CDH4: variants seen among roughly 807,000 people sequenced by gnomAD.
The protein encoded by CDH4 is cadherin-4.
Under a neutral mutation model 86.0 loss-of-function variants are expected in CDH4, and 33 were observed. The ratio of observed to expected loss-of-function variants is 0.38; its 90% CI spans 0.29 to 0.51. The LOEUF is 0.51. Among genes scored for constraint, CDH4 ranks in the 20% least tolerant of loss-of-function variants. The pLI is 0.86. For missense variants in CDH4, 1,114 were observed against 1,307.4 expected (o/e 0.85, Z 2.28); for synonymous variants, 555 against 549.4 (o/e 1.01, Z -0.14).
chr20:61,632,956 A>T (rs1410333785), intron 2 of CDH4, among the ~76,000 whole-genome samples: 1 of 149,934 alleles, frequency 6.7e-6, no homozygotes, highest in African/African-American at 2.5e-5. Flanking sequence ...TTATCCTCCC[A>T]TACAACCATA....
intron 2 of CDH4, among the ~76,000 whole-genome samples, chr20:61,634,953 G>C (rs949111826): frequency 6.6e-6 from 1 of 152,152 alleles, no homozygotes; most frequent in Non-Finnish European, 1.5e-5. Context: ...ATAATGTTCC[G>C]AAGCGTGTGT....
chr20:61,302,954 A>T (rs1037052696), intron 2 of CDH4, among the ~76,000 whole-genome samples: 2 of 152,198 alleles, frequency 1.3e-5, no homozygotes, highest in Non-Finnish European at 2.9e-5. Context: ...CCATGAGCCC[A>T]TAACACAGGT....
chr20:61,634,223 G>T (rs946041984), intron 2 of CDH4, among the ~76,000 whole-genome samples: 1 of 152,198 alleles, frequency 6.6e-6, no homozygotes, highest in African/African-American at 2.4e-5. Flanking sequence ...ACACGGACAG[G>T]GAGAGCCTCT....
intron 2 of CDH4, among the ~76,000 whole-genome samples, chr20:61,526,656 A>G (rs1238322474): frequency 1.6e-5 from 1 of 63,602 alleles, no homozygotes; most frequent in Non-Finnish European, 2.9e-5. Context: ...CCCTCCCCCC[A>G]CCCCATCCCT....
chr20:61,924,767 G>A (rs371563647), intron 11 of CDH4, among the ~76,000 whole-genome samples: 32 of 152,068 alleles, frequency 2.1e-4, no homozygotes, highest in African/African-American at 5.3e-4. Flanking sequence ...TCCCCCCAAC[G>A]TCACTCACCC....
At chr20:61,927,498 G>A (rs373509682) in intron 11 of CDH4, among the ~76,000 whole-genome samples, 2 of 152,194 alleles carry the variant, frequency 1.3e-5, no homozygotes, top group African/African-American at 4.8e-5. Flanking sequence ...TGGAGCGGCC[G>A]CGCCTGCTTT....
At chr20:61,787,483 A>G (rs145624400) in intron 4 of CDH4, among the ~76,000 whole-genome samples, 55 of 152,280 alleles carry the variant, frequency 3.6e-4, no homozygotes, top group African/African-American at 1.3e-3. Flanking sequence ...CCATGATTCA[A>G]TTATCTTCCA....
At chr20:61,608,570 C>G (rs1353685450) in intron 2 of CDH4, among the ~76,000 whole-genome samples, 1 of 152,240 alleles carries the variant, frequency 6.6e-6, no homozygotes, top group Admixed American at 6.5e-5. Flanking sequence ...ACTTGATCCT[C>G]TCAATTTTGC....
At chr20:61,721,275 A>G (rs1004333617) in intron 2 of CDH4, among the ~76,000 whole-genome samples, 3 of 152,166 alleles carry the variant, frequency 2.0e-5, no homozygotes, top group African/African-American at 7.2e-5. Flanking sequence ...CCATCTTCTA[A>G]TGTGCATTCA....
intron 4 of CDH4, among the ~76,000 whole-genome samples, chr20:61,793,512 G>A (rs1465474875): frequency 6.6e-6 from 1 of 152,118 alleles, no homozygotes; most frequent in Non-Finnish European, 1.5e-5. Context: ...CGAGGTCAGG[G>A]TGCTCCCTGG....
At chr20:61,537,325 G>A (rs190471969) in intron 2 of CDH4, among the ~76,000 whole-genome samples, 161 of 152,230 alleles carry the variant, frequency 1.1e-3, no homozygotes, top group African/African-American at 3.6e-3. Flanking sequence ...CTCCTCAGTA[G>A]CCATTGTGTA....
intron 2 of CDH4, among the ~76,000 whole-genome samples, chr20:61,571,054 G>A (rs1040036351): frequency 6.6e-6 from 1 of 152,180 alleles, no homozygotes; most frequent in Non-Finnish European, 1.5e-5. Flanking sequence ...TCTCCAAGGG[G>A]GCAAGGCCTG....
At chr20:61,691,686 T>C (rs1277069677) in intron 2 of CDH4, among the ~76,000 whole-genome samples, 1 of 152,218 alleles carries the variant, frequency 6.6e-6, no homozygotes, top group Non-Finnish European at 1.5e-5. Context: ...CTGTCCATCC[T>C]GTGACTGGAC....
At chr20:61,691,670 G>T (rs887901137) in intron 2 of CDH4, among the ~76,000 whole-genome samples, 1 of 152,218 alleles carries the variant, frequency 6.6e-6, no homozygotes, top group Non-Finnish European at 1.5e-5. Flanking sequence ...GCTCCAGGCG[G>T]CAAACCTGTC....
At chr20:61,521,389 T>G (rs1398779866) in intron 2 of CDH4, among the ~76,000 whole-genome samples, 1 of 152,102 alleles carries the variant, frequency 6.6e-6, no homozygotes, top group Non-Finnish European at 1.5e-5. Flanking sequence ...AGAGCGAGTT[T>G]GTAGGGATCG....
At chr20:61,363,716 G>A (rs895954065) in intron 2 of CDH4, among the ~76,000 whole-genome samples, 1 of 152,186 alleles carries the variant, frequency 6.6e-6, no homozygotes, top group Admixed American at 6.5e-5. Context: ...AATCAACGTG[G>A]CCAGAGCTCA....
At chr20:61,847,302 G>A (rs1348038707) in intron 5 of CDH4, among the ~76,000 whole-genome samples, 1 of 152,220 alleles carries the variant, frequency 6.6e-6, no homozygotes, top group African/African-American at 2.4e-5. Flanking sequence ...GAAGCCTAAG[G>A]CACAGCCTGC....
rs2084121515 is a variant in CDH4, at chr20:61,260,307, CTGTT to C, written c.169+5375_169+5378del. Among the ~76,000 whole-genome samples the C allele has an allele frequency of 2.0e-5, 3 of 152,184 alleles. No individual in the cohort carries two copies. The South Asian group carries it at 6.2e-4, about 32-fold the overall frequency. Reference sequence around the variant, plus strand: ...AGAGCATGTCATGAATACTTGGTAACTGTTTGTTGAATAAATGAACAGTCACTAC... The same window carrying C: ...AGAGCATGTCATGAATACTTGGTAACTGTTGAATAAATGAACAGTCACTAC... On this transcript the variant is annotated intron_variant, in intron 2 of 15. Transcript: ENST00000614565.
intron 7 of CDH4, among the ~76,000 whole-genome samples, chr20:61,882,233 C>T (rs6121827): frequency 0.61 from 92,213 of 152,142 alleles, 28,567 homozygotes; most frequent in Middle Eastern, 0.72. Flanking sequence ...CACAGCGTGG[C>T]TGACCATTTG....
Sources: allele counts gnomAD v4.1 joint callset (sites outside exome capture counted in the v4.1 genomes callset), GRCh38; gene constraint gnomAD v4.1.1; transcripts MANE v1.5; gene names NCBI Gene and HGNC (gene_info 2026-07-23, HGNC 2026-07-21).